Variants in PRRC2C observed in about 807,000 individuals in gnomAD.
The protein encoded by PRRC2C is protein PRRC2C.
In PRRC2C, 72 loss-of-function variants were observed where a neutral mutation model predicts 317.2. That is an observed-to-expected ratio of 0.23 (90% CI 0.19 to 0.28). The LOEUF (loss-of-function observed/expected upper bound fraction) is 0.28. Among genes scored for constraint, PRRC2C ranks in the 10% least tolerant of loss-of-function variants. PRRC2C has a pLI of 1.00. For synonymous variants in PRRC2C, 1,296 were observed against 1,205.9 expected (o/e 1.07, Z -1.55); for missense variants, 3,074 against 3,459.7 (o/e 0.89, Z 2.80).
At chr1:171,506,558 A>G (rs1340953029) in intron 1 of PRRC2C, among the ~76,000 whole-genome samples, 1 of 148,048 alleles carries the variant, frequency 6.8e-6, no homozygotes, top group Non-Finnish European at 1.5e-5. Context: ...CCAATTACAC[A>G]TAGATTAGGC....
chr1:171,494,404 TGTA>T (rs543256045), intron 1 of PRRC2C, among the ~76,000 whole-genome samples: 1 of 152,196 alleles, frequency 6.6e-6, no homozygotes, highest in Non-Finnish European at 1.5e-5. Context: ...AACTGCTATT[TGTA>T]GTAAAAGAAT....
In PRRC2C at chr1:171,591,567, G is replaced by A. The variant is rs763651243; in HGVS notation, c.8437-20G>A. On this transcript the variant is annotated intron_variant, in intron 34 of 34. Transcript: ENST00000647382. The stretch of plus-strand genomic sequence containing the variant: ...TGGTAATGCTGCAGTATTTTCAGTT[G>A]TTCTTTCTCATTTTTTAAGGCAAAG... 14 of 1,606,644 alleles carry A rather than the reference G, an allele frequency of 8.7e-6. No individual in the cohort carries two copies. Among genetic ancestry groups the A allele is most frequent in the Non-Finnish European group, 1.1e-5 (13 of 1,174,974 alleles).
chr1:171,524,857 A>T lies in PRRC2C; in HGVS notation c.1092A>T (p.Glu364Asp), dbSNP rs1232170893. ...DQGSKASENN[E>D]NKKETDEVSN... Reference sequence around the variant, plus strand: ...GTTCAAAAGCCTCTGAAAACAACGAAAACAAAAAAGAAACAGATGAAGTTT... The same window carrying T: ...GTTCAAAAGCCTCTGAAAACAACGATAACAAAAAAGAAACAGATGAAGTTT... The change falls in exon 10 of 35, where the codon GAA (glutamate) becomes GAT (aspartate). Residue 364 changes from glutamate (E) to aspartate (D), a missense_variant. This residue lies in a region of PRRC2C where 1,320 missense variants were observed against 1,395.7 expected (regional missense o/e 0.95). Transcript: ENST00000647382. 1.3e-6 allele frequency: 2 copies of T among 1,591,186 alleles called. No individual in the cohort carries two copies. Among genetic ancestry groups the T allele is most frequent in the Non-Finnish European group, 1.7e-6 (2 of 1,167,776 alleles).
chr1:171,552,942 C>T (rs1436680190), intron 18 of PRRC2C, among the ~76,000 whole-genome samples: 1 of 151,792 alleles, frequency 6.6e-6, no homozygotes, highest in Admixed American at 6.6e-5. Flanking sequence ...ATTGTGTCTG[C>T]CAGGTTTTGG....
chr1:171,579,247 G>C, intron 26 of PRRC2C, 107 bp from the exon 27 acceptor site: 2 of 1,388,838 alleles, frequency 1.4e-6, no homozygotes, highest in Non-Finnish European at 1.9e-6. Context: ...ATTTTCAGAG[G>C]GTGCACTTAA....
intron 9 of PRRC2C, 39 bp from the exon 10 acceptor site, chr1:171,524,782 G>T: frequency 6.6e-7 from 1 of 1,510,044 alleles, no homozygotes; most frequent in Non-Finnish European, 8.8e-7. Flanking sequence ...TTATGATACA[G>T]TTGGTCCACT....
chr1:171,517,890 G>C, intron 6 of PRRC2C, 76 bp downstream of exon 6: 1 of 1,260,374 alleles, frequency 7.9e-7, no homozygotes, highest in Non-Finnish European at 1.1e-6. Context: ...TTGTTATAGG[G>C]AAAAGTTTAG....
intron 15 of PRRC2C, among the ~76,000 whole-genome samples, chr1:171,537,779 C>G (rs1557945748): frequency 6.6e-6 from 1 of 152,158 alleles, no homozygotes; most frequent in Non-Finnish European, 1.5e-5. Context: ...GATCTTGGCT[C>G]ACTGCAGCGT....
chr1:171,570,968 A>G (rs1476490638), intron 23 of PRRC2C, among the ~76,000 whole-genome samples: 1 of 152,198 alleles, frequency 6.6e-6, no homozygotes, highest in Non-Finnish European at 1.5e-5. Flanking sequence ...GCCTTAACAT[A>G]GACCAATTGA....
chr1:171,535,936 A>T (rs1243896628), intron 13 of PRRC2C, 93 bp from the exon 14 acceptor site: 2 of 1,450,960 alleles, frequency 1.4e-6, no homozygotes, highest in African/African-American at 1.4e-5. Flanking sequence ...TCCTTCAAGG[A>T]TTCAAAACAG....
chr1:171,532,484 A>G lies in PRRC2C; in HGVS notation c.1396A>G (p.Lys466Glu), dbSNP rs774707304. ...EISAAVERAR[K>E]RREEEERRME... The stretch of plus-strand genomic sequence containing the variant: ...TTCTGCAGCAGTAGAACGTGCTCGT[A>G]AACGGCGTGAAGAGGAAGAGCGAAG... Residue 466 changes from lysine to glutamate, a missense_variant, in exon 12 of 35, where the codon AAA becomes GAA. By Grantham distance (56) the Lys-to-Glu change is moderately conservative. Coordinates refer to ENST00000647382, the MANE Select transcript of PRRC2C (RefSeq NM_001387844.1). 8.7e-6 allele frequency: 14 copies of G among 1,612,828 alleles called. No individual in the cohort carries two copies. The highest frequency in any genetic ancestry group is 1.1e-5 in the Non-Finnish European group (13 of 1,179,378).
chr1:171,537,416 A>C lies in PRRC2C; in HGVS notation c.2447A>C (p.His816Pro). ...RMLWGSDPYP[H>P]AEPQQATTPK... is the part of the protein sequence containing the mutation. ...CTGTGGGGGTCAGATCCCTATCCTC[A>C]TGCTGAGCCTCAACAAGCAACTACT... Residue 816 changes from histidine (H) to proline (P), a missense_variant, in exon 15 of 35, where the codon CAT (histidine) becomes CCT (proline). By Grantham distance (77) the His-to-Pro change is moderately conservative (BLOSUM62 -2). Transcript: ENST00000647382. The C allele has an allele frequency of 6.3e-7, 1 of 1,588,902 alleles. No individual in the cohort carries two copies.
At chr1:171,485,835 C>G (rs546463722) in intron 1 of PRRC2C, 100 bp downstream of exon 1, 1 of 152,258 alleles carries the variant, frequency 6.6e-6, no homozygotes, top group East Asian at 1.9e-4. Flanking sequence ...GACCCTGGCG[C>G]CCGGAGGCTA....
In PRRC2C at chr1:171,591,860, A is replaced by G; in HGVS notation, c.*13A>G. ...AACAAAATCTTAAAGGCTATGGTTT[A>G]TTGCAGGGGATTGGGAGGGGGGCGG... On this transcript the variant is annotated 3_prime_UTR_variant, in exon 35 of 35. Transcript: ENST00000647382. 2.7e-5 allele frequency: 18 copies of G among 658,572 alleles called. No homozygotes were observed. Among genetic ancestry groups the G allele is most frequent in the Non-Finnish European group, 4.4e-5 (18 of 405,566 alleles). The allele number at this position is 658,572 out of a possible 1,614,324, so 40.8% of individuals were successfully genotyped here.
rs746360665 is a variant in PRRC2C, at chr1:171,513,206, C to T, written c.290+34C>T. ...AAGTCTGTTAAAGAATGAAGCCCTT[C>T]CCCTTTCTTTGTAGGGAACTTATGT... is the stretch of plus-strand genomic sequence containing the variant. On this transcript the variant is annotated intron_variant, in intron 3 of 34. Coordinates refer to ENST00000647382, the MANE Select transcript of PRRC2C (RefSeq NM_001387844.1). The T allele has an allele frequency of 1.5e-5, 23 of 1,572,584 alleles. No homozygotes were observed. The East Asian group carries it at 5.3e-4, about 36-fold the overall frequency.
intron 20 of PRRC2C, among the ~76,000 whole-genome samples, chr1:171,564,877 TATTAAA>T (rs1396519338): frequency 6.6e-6 from 1 of 152,218 alleles, no homozygotes; most frequent in Non-Finnish European, 1.5e-5. Flanking sequence ...ACTATTTAAA[TATTAAA>T]AGTAAATCTG....
At chr1:171,500,444 G>A (rs1668875893) in intron 1 of PRRC2C, among the ~76,000 whole-genome samples, 1 of 152,000 alleles carries the variant, frequency 6.6e-6, no homozygotes, top group African/African-American at 2.4e-5. Flanking sequence ...TGTCACCCAG[G>A]CTTGAGTGGA....
chr1:171,571,563 T>C lies in PRRC2C; in HGVS notation c.6753+142T>C, dbSNP rs766150767. ...GAGGAAATAGAGTGCTGTCAAATTA[T>C]ACCTTACAGTTTTATTAGCTTCTGA... On this transcript the variant is annotated intron_variant, in intron 24 of 34. Coordinates refer to ENST00000647382, the MANE Select transcript of PRRC2C (RefSeq NM_001387844.1). 9.3e-6 allele frequency: 6 copies of C among 643,248 alleles called. No individual in the cohort carries two copies. In the Admixed American group the frequency reaches 1.1e-4, roughly 11 times the overall value. The allele number at this position is 643,248 out of a possible 1,614,324, so 39.8% of individuals were successfully genotyped here.
chr1:171,552,913 T>G (rs1680578892), intron 18 of PRRC2C, among the ~76,000 whole-genome samples: 1 of 152,164 alleles, frequency 6.6e-6, no homozygotes. Context: ...GGGATATTGG[T>G]CTAAAATTCT....
Sources: gnomAD v4.1 joint callset for allele counts (sites outside exome capture counted in the v4.1 genomes callset) on GRCh38, gnomAD v4.1.1 for gene constraint, gnomAD v4.1.1 regional missense constraint, MANE v1.5 for transcripts, NCBI Gene and HGNC (gene_info 2026-07-23, HGNC 2026-07-21) for gene names.